TBC1D21: variants seen among roughly 807,000 people sequenced by gnomAD.
The protein encoded by TBC1D21 is TBC1 domain family member 21.
Under a neutral mutation model 46.0 loss-of-function variants are expected in TBC1D21, and 38 were observed. That is an observed-to-expected ratio of 0.83 (90% confidence interval 0.64 to 1.08). The LOEUF is 1.08. TBC1D21 is among the 50% of genes least tolerant of loss of function. The pLI, the probability that TBC1D21 is intolerant of heterozygous loss-of-function variation, is 0.00. For synonymous variants in TBC1D21, 151 were observed against 157.2 expected (o/e 0.96, Z 0.29); for missense variants, 415 against 417.9 (o/e 0.99, Z 0.06).
At chr15:73,893,454 C>T (rs1260722973), downstream of TBC1D21, among the ~76,000 whole-genome samples, 3 of 152,210 alleles carry the variant, frequency 2.0e-5, no homozygotes, top group Non-Finnish European at 4.4e-5. Flanking sequence ...TGCATTTCTT[C>T]CAAGCTCTCA....
intron 6 of TBC1D21, among the ~76,000 whole-genome samples, chr15:73,885,860 C>T (rs909990514): frequency 4.0e-5 from 6 of 151,774 alleles, no homozygotes; most frequent in South Asian, 4.2e-4. Flanking sequence ...CACCCAGAGG[C>T]GTACAACATA....
the TBC1D21 span, among the ~76,000 whole-genome samples, chr15:73,907,150 CTTT>C: frequency 3.1e-5 from 3 of 96,498 alleles, no homozygotes; most frequent in South Asian, 3.8e-4. Flanking sequence ...TCCTCCTCCT[CTTT>C]TTTTCCCCCA....
chr15:73,883,922 A>T (rs1423503934), intron 3 of TBC1D21, among the ~76,000 whole-genome samples: 2 of 152,182 alleles, frequency 1.3e-5, no homozygotes, highest in Non-Finnish European at 2.9e-5. Flanking sequence ...CAGCGTTTGG[A>T]GTACAGAGCC....
chr15:73,902,867 C>T, the TBC1D21 span, among the ~76,000 whole-genome samples: 4 of 152,214 alleles, frequency 2.6e-5, no homozygotes, highest in Non-Finnish European at 5.9e-5. Flanking sequence ...TCAGTGCAGG[C>T]TGGGATGCCC....
chr15:73,894,205 C>T (rs1449983294), downstream of TBC1D21, among the ~76,000 whole-genome samples: 1 of 152,234 alleles, frequency 6.6e-6, no homozygotes, highest in Non-Finnish European at 1.5e-5. Context: ...CCGTTTTCAC[C>T]TCTTTCCCTG....
downstream of TBC1D21, among the ~76,000 whole-genome samples, chr15:73,890,816 G>C (rs1224158074): frequency 6.6e-6 from 1 of 152,162 alleles, no homozygotes; most frequent in African/African-American, 2.4e-5. Flanking sequence ...TCCTTCCCAG[G>C]AGCCCAGCGG....
chr15:73,892,773 G>A (rs2068347362), downstream of TBC1D21, among the ~76,000 whole-genome samples: 1 of 152,254 alleles, frequency 6.6e-6, no homozygotes, highest in Admixed American at 6.5e-5. Context: ...AGCCCAGTAG[G>A]CCCGAGCAAA....
intron 3 of TBC1D21, among the ~76,000 whole-genome samples, chr15:73,883,754 G>A (rs751950199): frequency 5.3e-5 from 8 of 152,282 alleles, no homozygotes; most frequent in Non-Finnish European, 7.4e-5. Context: ...ACAAAACACC[G>A]CCTCACTCAG....
chr15:73,881,840 C>A (rs1045043825), intron 3 of TBC1D21, 93 bp downstream of exon 3: 8 of 1,159,868 alleles, frequency 6.9e-6, no homozygotes, highest in Non-Finnish European at 1.0e-5. Flanking sequence ...TGCCCCCATG[C>A]AACTTCTTAT....
At chr15:73,888,919 T>C (rs546729715) in intron 10 of TBC1D21, 150 bp from the exon 11 acceptor site, 99 of 892,806 alleles carry the variant, frequency 1.1e-4, no homozygotes, top group Non-Finnish European at 1.7e-4. Context: ...GCTGTACTAC[T>C]TGAGAGCAGG....
chr15:73,889,533 G>T (rs2068319064), downstream of TBC1D21, among the ~76,000 whole-genome samples: 1 of 152,234 alleles, frequency 6.6e-6, no homozygotes, highest in Non-Finnish European at 1.5e-5. Context: ...GAGGAAGGCT[G>T]GTCCTGGGGC....
downstream of TBC1D21, among the ~76,000 whole-genome samples, chr15:73,892,154 G>A (rs148536235): frequency 3.2e-4 from 48 of 152,304 alleles, no homozygotes; most frequent in African/African-American, 5.5e-4. Flanking sequence ...GCAGACTACC[G>A]GATGACCTGT....
chr15:73,876,225 T>TTTTTTTTTTTTGTTTG (rs2068063360), intron 1 of TBC1D21, among the ~76,000 whole-genome samples: 2 of 59,008 alleles, frequency 3.4e-5, no homozygotes, highest in Non-Finnish European at 6.2e-5. Flanking sequence ...TTTTTTTTTT[T>TTTTTTTTTTTTGTTTG]TTTTTTTTTT....
the TBC1D21 span, among the ~76,000 whole-genome samples, chr15:73,898,752 C>T: frequency 6.7e-6 from 1 of 148,972 alleles, no homozygotes; most frequent in Admixed American, 6.7e-5. Context: ...TAATTCCAGC[C>T]AGTTGGGAGG....
the TBC1D21 span, among the ~76,000 whole-genome samples, chr15:73,897,176 C>T: frequency 6.6e-6 from 1 of 152,174 alleles, no homozygotes; most frequent in African/African-American, 2.4e-5. Flanking sequence ...GAAGGCCAGA[C>T]CCTAAGTGGG....
the TBC1D21 span, among the ~76,000 whole-genome samples, chr15:73,894,680 G>A: frequency 3.3e-5 from 5 of 152,138 alleles, no homozygotes; most frequent in Admixed American, 6.5e-5. Context: ...GGAGAGGCGC[G>A]CAGCTCTGGG....
At chr15:73,909,474 G>T in the TBC1D21 span, among the ~76,000 whole-genome samples, 2 of 152,192 alleles carry the variant, frequency 1.3e-5, no homozygotes, top group African/African-American at 4.8e-5. Flanking sequence ...CTTGCCACGG[G>T]CTTCACGAGA....
chr15:73,905,993 C>T, the TBC1D21 span, among the ~76,000 whole-genome samples: 19,166 of 152,154 alleles, frequency 0.13, 1,593 homozygotes, highest in South Asian at 0.21. Flanking sequence ...CACTCGGTGT[C>T]GGTCAAGGAA....
intron 1 of TBC1D21, among the ~76,000 whole-genome samples, chr15:73,875,947 T>C (rs1211515495): frequency 1.3e-5 from 2 of 152,190 alleles, no homozygotes; most frequent in South Asian, 2.1e-4. Context: ...GGAGCCCAGA[T>C]ACACATTCTC....
Sources: gnomAD v4.1 joint callset for allele counts (sites outside exome capture counted in the v4.1 genomes callset) on GRCh38, gnomAD v4.1.1 for gene constraint, MANE v1.5 for transcripts, NCBI Gene and HGNC (gene_info 2026-07-23, HGNC 2026-07-21) for gene names.